Variants in SEPTIN14 observed in about 807,000 individuals in gnomAD.
SEPTIN14 encodes septin-14.
Under a neutral mutation model 53.6 loss-of-function variants are expected in SEPTIN14, and 40 were observed. That is an observed-to-expected ratio of 0.75 (90% CI 0.58 to 0.97). SEPTIN14 has a LOEUF of 0.97. SEPTIN14 is among the 50% of genes least tolerant of loss of function. The pLI is 0.00. For missense variants in SEPTIN14, 471 were observed against 508.2 expected (o/e 0.93, Z 0.70); for synonymous variants, 138 against 166.8 (o/e 0.83, Z 1.33).
chr7:55,794,507 T>G lies in SEPTIN14; in HGVS notation c.*1406A>C, dbSNP rs1788393270. 6.6e-6 allele frequency: 1 copy of G among 152,232 alleles called. No individual in the cohort carries two copies. Among genetic ancestry groups the G allele is most frequent in the Non-Finnish European group, 1.5e-5 (1 of 68,044 alleles). 9.4% of individuals were successfully genotyped at this position (152,232 alleles called of 1,614,324 possible). Reference sequence around the variant, plus strand: ...TCAGACATTTTTCTAGGCCTAGGAATGGATACATAAGTGAACAAAGCAAAG... The same window carrying G: ...TCAGACATTTTTCTAGGCCTAGGAAGGGATACATAAGTGAACAAAGCAAAG... On this transcript the variant is annotated 3_prime_UTR_variant, in exon 10 of 10. Coordinates refer to ENST00000388975, the MANE Select transcript of SEPTIN14 (RefSeq NM_207366.3).
At chr7:55,828,575 A>G (rs1181498242) in intron 6 of SEPTIN14, among the ~76,000 whole-genome samples, 2 of 152,142 alleles carry the variant, frequency 1.3e-5, no homozygotes, top group African/African-American at 4.8e-5. Context: ...AAGTGCTGGG[A>G]TTACAGGCGT....
rs1344665539 is a variant in SEPTIN14 at position 55,842,994 on chromosome 7, C to T, written c.506G>A (p.Gly169Glu). The change falls in exon 5 of 10, where the codon GGA becomes GAA. Residue 169 changes from glycine (G) to glutamate (E), a missense_variant. Transcript: ENST00000388975. The part of the protein sequence containing the change: ...HVCLYFISPT[G>E]HSLKSLDLLT... ...TAGATCAAGAGACTTCAGGGAATGT[C>T]CTGTAGGTGAAATGAAGTAAAGACA... 2.5e-6 allele frequency: 4 copies of T among 1,569,616 alleles called. No individual in the cohort carries two copies. In the Admixed American group the frequency reaches 5.8e-5, roughly 23 times the overall value.
In SEPTIN14 at chr7:55,808,478, T is replaced by A. The variant is rs375622647; in HGVS notation, c.818-1220A>T. Among the ~76,000 whole-genome samples the A allele has an allele frequency of 2.3e-4, 35 of 152,344 alleles. No individual in the cohort carries two copies. In the East Asian group the frequency reaches 6.2e-3, roughly 27 times the overall value. On this transcript the variant is annotated intron_variant, in intron 7 of 9. Transcript: ENST00000388975. The stretch of plus-strand genomic sequence containing the variant: ...CAATGATGTTTAAGAATTCCCTTTT[T>A]TCTTAGAAATATATATACACTGCTG...
chr7:55,810,133 G>A (rs1788676109), intron 7 of SEPTIN14, among the ~76,000 whole-genome samples: 1 of 151,968 alleles, frequency 6.6e-6, no homozygotes, highest in Non-Finnish European at 1.5e-5. Flanking sequence ...CGCCCGGCCT[G>A]TCTTTTTGAT....
chr7:55,837,555 C>G (rs755722833), intron 5 of SEPTIN14, among the ~76,000 whole-genome samples: 12 of 152,004 alleles, frequency 7.9e-5, no homozygotes. Context: ...TGAAAGCAGG[C>G]AGCTTGAACC....
chr7:55,849,529 T>C (rs935157242), intron 2 of SEPTIN14, among the ~76,000 whole-genome samples: 2 of 151,876 alleles, frequency 1.3e-5, no homozygotes, highest in African/African-American at 4.8e-5. Context: ...GGAGATCACC[T>C]GAGGTCAGGA....
chr7:55,811,169 T>C lies in SEPTIN14; in HGVS notation c.818-3911A>G, dbSNP rs556924079. 2.8e-4 allele frequency: 140 copies of C among 500,602 alleles called. 2 individuals are homozygous for C. Among genetic ancestry groups the C allele is most frequent in the South Asian group, 1.8e-3 (111 of 61,892 alleles). 31.0% of individuals were successfully genotyped at this position (500,602 alleles called of 1,614,324 possible). On this transcript the variant is annotated intron_variant, in intron 7 of 9. Transcript: ENST00000388975. ...CTGCCTCTTCCAAGCCCTGTTTGTTTCCTCCAAGGGAGAAGTAGTTGAGCC... is the reference window on the plus strand; with the variant it reads ...CTGCCTCTTCCAAGCCCTGTTTGTTCCCTCCAAGGGAGAAGTAGTTGAGCC...
intron 9 of SEPTIN14, among the ~76,000 whole-genome samples, chr7:55,800,482 G>C (rs914622182): frequency 1.5e-4 from 23 of 152,242 alleles, no homozygotes; most frequent in Middle Eastern, 3.4e-3. Flanking sequence ...AAATTAGCTG[G>C]GTGTGGTGGC....
In SEPTIN14 at chr7:55,817,606, A is replaced by T. The variant is rs187422859; in HGVS notation, c.817+1521T>A. Among the ~76,000 whole-genome samples, 206 of 151,822 alleles carry T rather than the reference A, an allele frequency of 1.4e-3. 2 individuals are homozygous for T. The highest frequency in any genetic ancestry group is 0.01 in the Middle Eastern group (3 of 294). Reference sequence around the variant, plus strand: ...TGCCTCAGCCTCCCAAGTAGCTGGGACTACAGGTGCCCGCCACCATGCCTG... The same window carrying T: ...TGCCTCAGCCTCCCAAGTAGCTGGGTCTACAGGTGCCCGCCACCATGCCTG... On this transcript the variant is annotated intron_variant, in intron 7 of 9. Transcript: ENST00000388975.
At chr7:55,854,240 A>G (rs892489679) in intron 2 of SEPTIN14, among the ~76,000 whole-genome samples, 1 of 152,198 alleles carries the variant, frequency 6.6e-6, no homozygotes, top group Non-Finnish European at 1.5e-5. Context: ...TGAATTGAAT[A>G]CCCATTTGTG....
chr7:55,805,711 G>A (rs185164080), intron 8 of SEPTIN14, among the ~76,000 whole-genome samples: 4 of 152,024 alleles, frequency 2.6e-5, no homozygotes, highest in African/African-American at 9.7e-5. Context: ...AGAGTATATA[G>A]ACAGTATATG....
chr7:55,815,690 G>A (rs1311645972), intron 7 of SEPTIN14, among the ~76,000 whole-genome samples: 3 of 152,120 alleles, frequency 2.0e-5, no homozygotes, highest in Admixed American at 6.6e-5. Context: ...CCAAAAGACA[G>A]GCAATAACAA....
Position 55,834,572 on chromosome 7 carries a change from T to C in SEPTIN14, c.573A>G (p.Pro191=), listed in dbSNP as rs1789170585. ...AAATAGTGTCTGCTTTGGCAATCAG[T>C]GGTATAATATTCACCTATGAAGAAA... is the stretch of plus-strand genomic sequence containing the variant. ...KNLDSKVNII[P]LIAKADTISK... is the part of the protein sequence containing the mutation. Residue 191 remains proline (P), a synonymous_variant, in exon 6 of 10, where the codon CCA becomes CCG. Coordinates refer to ENST00000388975, the MANE Select transcript of SEPTIN14 (RefSeq NM_207366.3). 1 of 1,603,864 alleles carries C rather than the reference T, an allele frequency of 6.2e-7. No individual in the cohort carries two copies. Among genetic ancestry groups the C allele is most frequent in the East Asian group, 2.2e-5 (1 of 44,706 alleles).
intron 7 of SEPTIN14, among the ~76,000 whole-genome samples, chr7:55,808,139 C>T (rs542160940): frequency 6.6e-6 from 1 of 152,262 alleles, no homozygotes; most frequent in African/African-American, 2.4e-5. Flanking sequence ...ATTTAAACTA[C>T]ACTTTAGACC....
rs2115993623 is a variant in SEPTIN14, at chr7:55,819,109, G to T, written c.817+18C>A. 1.1e-5 allele frequency: 15 copies of T among 1,408,892 alleles called. No homozygotes were observed. Among genetic ancestry groups the T allele is most frequent in the Non-Finnish European group, 1.5e-5 (15 of 1,012,258 alleles). 87.3% of individuals were successfully genotyped at this position (1,408,892 alleles called of 1,614,324 possible). Reference sequence around the variant, plus strand: ...ATTTAACTTAATCATTCCAAAGCCTGCCCTCTGTCATTTTTACCTTGCAAA... The same window carrying T: ...ATTTAACTTAATCATTCCAAAGCCTTCCCTCTGTCATTTTTACCTTGCAAA... On this transcript the variant is annotated intron_variant, in intron 7 of 9. Coordinates refer to ENST00000388975, the MANE Select transcript of SEPTIN14 (RefSeq NM_207366.3).
chr7:55,832,385 G>A (rs1789125425), intron 6 of SEPTIN14, among the ~76,000 whole-genome samples: 13 of 151,990 alleles, frequency 8.6e-5, no homozygotes, highest in Admixed American at 8.5e-4. Context: ...GCTACCATTT[G>A]GCCCAGTGAT....
intron 9 of SEPTIN14, among the ~76,000 whole-genome samples, chr7:55,797,243 A>G (rs1788446885): frequency 6.6e-6 from 1 of 152,242 alleles, no homozygotes; most frequent in Admixed American, 6.5e-5. Context: ...GCTTATATAA[A>G]GAAAGAATGG....
intron 5 of SEPTIN14, among the ~76,000 whole-genome samples, chr7:55,840,895 TTTATTTA>T (rs1446973914): frequency 2.1e-5 from 2 of 93,162 alleles, no homozygotes; most frequent in Non-Finnish European, 5.7e-5. Context: ...GTTGTTATTA[TTTATTTA>T]TTATTTATTT....
At chr7:55,821,792 A>C (rs1458699199) in intron 6 of SEPTIN14, among the ~76,000 whole-genome samples, 1 of 152,176 alleles carries the variant, frequency 6.6e-6, no homozygotes, top group Non-Finnish European at 1.5e-5. Flanking sequence ...GGATTGTTAG[A>C]TCATATGGTA....
Sources: gnomAD v4.1 joint callset for allele counts (sites outside exome capture counted in the v4.1 genomes callset) on GRCh38, gnomAD v4.1.1 for gene constraint, MANE v1.5 for transcripts, NCBI Gene and HGNC (gene_info 2026-07-23, HGNC 2026-07-21) for gene names.